The following NRXN3 variants were observed in gnomAD, a reference collection of about 807,000 sequenced individuals.
The protein encoded by NRXN3 is neurexin III.
A neutral mutation model predicts 137.6 loss-of-function variants in NRXN3; 32 were observed. The observed-to-expected ratio is 0.23, with a 90% confidence interval of 0.18 to 0.31. NRXN3 has a LOEUF of 0.31. NRXN3 is among the 10% of genes least tolerant of loss of function. NRXN3 has a pLI of 1.00. For missense variants in NRXN3, 1,574 were observed against 2,062.5 expected (o/e 0.76, Z 4.59); for synonymous variants, 798 against 784.5 (o/e 1.02, Z -0.29).
chr14:79,547,214 T>C (rs2097329462), intron 16 of NRXN3, among the ~76,000 whole-genome samples: 1 of 152,158 alleles, frequency 6.6e-6, no homozygotes. Context: ...TTATAAAACA[T>C]CAGTACTTAT....
At chr14:79,377,746 ACT>A (rs1208815849) in intron 15 of NRXN3, among the ~76,000 whole-genome samples, 1 of 152,128 alleles carries the variant, frequency 6.6e-6, no homozygotes, top group African/African-American at 2.4e-5. Flanking sequence ...ACAGAGCTAG[ACT>A]CTGTCTCAAA....
At chr14:79,645,047 C>A (rs1271057351) in intron 16 of NRXN3, among the ~76,000 whole-genome samples, 1 of 135,786 alleles carries the variant, frequency 7.4e-6, no homozygotes, top group Non-Finnish European at 1.7e-5. Context: ...ATTGGACCAT[C>A]TCCTCTGTGT....
intron 4 of NRXN3, among the ~76,000 whole-genome samples, chr14:78,368,317 C>A (rs988442767): frequency 3.3e-5 from 5 of 152,110 alleles, no homozygotes; most frequent in African/African-American, 1.2e-4. Flanking sequence ...TACTTGCAGG[C>A]GCAACACCAG....
chr14:79,295,463 C>T (rs2083913135), intron 15 of NRXN3, among the ~76,000 whole-genome samples: 1 of 152,146 alleles, frequency 6.6e-6, no homozygotes, highest in East Asian at 1.9e-4. Flanking sequence ...GTTTTGTTTT[C>T]ACTGTAGCTT....
At chr14:78,310,494 T>C (rs183821510) in intron 4 of NRXN3, among the ~76,000 whole-genome samples, 2 of 152,136 alleles carry the variant, frequency 1.3e-5, no homozygotes, top group African/African-American at 4.8e-5. Context: ...GTTGTGGAGA[T>C]GTAGTTTGCT....
chr14:79,097,331 A>G (rs1170509343), intron 15 of NRXN3, among the ~76,000 whole-genome samples: 1 of 152,200 alleles, frequency 6.6e-6, no homozygotes, highest in Non-Finnish European at 1.5e-5. Flanking sequence ...GCGGCTGCTA[A>G]TATCTAAAAA....
intron 10 of NRXN3, among the ~76,000 whole-genome samples, chr14:78,919,736 A>G (rs2099265965): frequency 6.6e-6 from 1 of 152,222 alleles, no homozygotes; most frequent in South Asian, 2.1e-4. Flanking sequence ...CATATTGAAC[A>G]TAACTTATTT....
chr14:79,685,668 G>A (rs1170776480), intron 17 of NRXN3, among the ~76,000 whole-genome samples: 1 of 152,202 alleles, frequency 6.6e-6, no homozygotes, highest in Non-Finnish European at 1.5e-5. Context: ...GGGATTGAAA[G>A]TATCCTTGAT....
chr14:78,820,143 T>G (rs986756741), intron 10 of NRXN3, among the ~76,000 whole-genome samples: 77 of 152,022 alleles, frequency 5.1e-4, no homozygotes, highest in African/African-American at 1.7e-3. Context: ...ACCTAAATTC[T>G]TTATTCTTGT....
At chr14:79,775,953 T>C (rs1219682213) in intron 19 of NRXN3, among the ~76,000 whole-genome samples, 1 of 152,112 alleles carries the variant, frequency 6.6e-6, no homozygotes, top group Non-Finnish European at 1.5e-5. Context: ...TAGTCCCACA[T>C]CCTAGCATGG....
chr14:79,626,086 G>C (rs532658278), intron 16 of NRXN3, among the ~76,000 whole-genome samples: 50 of 152,298 alleles, frequency 3.3e-4, no homozygotes, highest in African/African-American at 1.2e-3. Flanking sequence ...GAAAGACTTA[G>C]ACTGTAGTTC....
At chr14:78,749,837 G>C (rs1458424726) in intron 8 of NRXN3, among the ~76,000 whole-genome samples, 1 of 152,184 alleles carries the variant, frequency 6.6e-6, no homozygotes, top group African/African-American at 2.4e-5. Flanking sequence ...GTGGCACACA[G>C]GTCCTGCATG....
In NRXN3 at chr14:78,902,584, G is replaced by A. The variant is rs149586369; in HGVS notation, c.2276-54658G>A. Among the ~76,000 whole-genome samples the A allele has an allele frequency of 2.7e-3, 413 of 151,986 alleles. 3 individuals are homozygous for A. The highest frequency in any genetic ancestry group is 9.7e-3 in the African/African-American group (402 of 41,516). On this transcript the variant is annotated intron_variant, in intron 10 of 20. Transcript: ENST00000335750. ...GAGGAGAAGTTATAAATAAAGATTA[G>A]CCCCTAATTCTAAAACATTTTTTCT...
At chr14:78,548,342 A>G (rs1179124869) in intron 4 of NRXN3, among the ~76,000 whole-genome samples, 1 of 152,192 alleles carries the variant, frequency 6.6e-6, no homozygotes, top group Admixed American at 6.5e-5. Context: ...ATTTCAGAGA[A>G]GGTGGCTTTG....
intron 4 of NRXN3, among the ~76,000 whole-genome samples, chr14:78,473,124 C>A (rs74328091): frequency 6.6e-6 from 1 of 151,864 alleles, no homozygotes; most frequent in Non-Finnish European, 1.5e-5. Flanking sequence ...CCTTTCTGGC[C>A]GGGCGTGGTG....
intron 10 of NRXN3, among the ~76,000 whole-genome samples, chr14:78,874,005 A>T (rs141735888): frequency 0.023 from 3,371 of 143,548 alleles, 54 homozygotes; most frequent in Middle Eastern, 0.043. Context: ...ACAATGTCTC[A>T]CTGTGACCCA....
chr14:79,026,439 T>C (rs1465427535), intron 15 of NRXN3, among the ~76,000 whole-genome samples: 1 of 152,114 alleles, frequency 6.6e-6, no homozygotes, highest in Non-Finnish European at 1.5e-5. Context: ...GTGGCACATG[T>C]CAATTCTTTT....
intron 15 of NRXN3, among the ~76,000 whole-genome samples, chr14:79,151,129 G>C (rs576220856): frequency 6.6e-6 from 1 of 152,084 alleles, no homozygotes; most frequent in Non-Finnish European, 1.5e-5. Context: ...GGGTGAACTG[G>C]GGCCTGATTG....
intron 4 of NRXN3, among the ~76,000 whole-genome samples, chr14:78,537,870 CT>C (rs2096551361): frequency 6.6e-6 from 1 of 152,078 alleles, no homozygotes; most frequent in African/African-American, 2.4e-5. Context: ...ATAGGGAATC[CT>C]TTCCCCATTT....
Sources: allele counts gnomAD v4.1 joint callset (sites outside exome capture counted in the v4.1 genomes callset), GRCh38; gene constraint gnomAD v4.1.1; transcripts MANE v1.5; gene names NCBI Gene and HGNC (gene_info 2026-07-23, HGNC 2026-07-21).